The following RGSL1 variants were observed in gnomAD, a reference collection of about 807,000 sequenced individuals.
RGSL1 encodes the protein regulator of G protein signaling like 1.
RGSL1 carries 97 observed loss-of-function variants against 124.7 expected under a neutral mutation model. That is an observed-to-expected ratio of 0.78 (90% CI 0.66 to 0.92). The LOEUF is 0.92. Ranked by LOEUF, RGSL1 falls within the 40% of genes least tolerant of loss-of-function variation. The pLI is 0.00. For synonymous variants in RGSL1, 424 were observed against 438.1 expected (o/e 0.97, Z 0.40); for missense variants, 1,233 against 1,288.4 (o/e 0.96, Z 0.66).
intron 9 of RGSL1, among the ~76,000 whole-genome samples, chr1:182,504,351 C>G (rs1039832811): frequency 1.3e-5 from 2 of 151,956 alleles, no homozygotes; most frequent in Non-Finnish European, 1.5e-5. Context: ...TTTCTTTGCT[C>G]ATGGTTTCCT....
At chr1:182,516,810 T>C (rs480202) in intron 9 of RGSL1, among the ~76,000 whole-genome samples, 131,550 of 152,198 alleles carry the variant, frequency 0.86, 57,177 homozygotes, top group Non-Finnish European at 0.89. Context: ...TTTAACAGTT[T>C]CTGTAGCTGT....
At chr1:182,528,510 T>C (rs2102261604) in intron 11 of RGSL1, among the ~76,000 whole-genome samples, 1 of 152,276 alleles carries the variant, frequency 6.6e-6, no homozygotes, top group Admixed American at 6.5e-5. Context: ...AGTTACTTCC[T>C]AGATACAATA....
intron 10 of RGSL1, among the ~76,000 whole-genome samples, chr1:182,522,885 ACTAT>A (rs1356190485): frequency 2.0e-5 from 3 of 152,132 alleles, no homozygotes; most frequent in African/African-American, 4.8e-5. Context: ...TTATTCAGTT[ACTAT>A]CTATTATCTA....
rs1276288100 is a variant in RGSL1 at position 182,553,537 on chromosome 1, A to G, written c.3126A>G (p.Gln1042=). The G allele has an allele frequency of 6.4e-7, 1 of 1,551,740 alleles. No homozygotes were observed. Among genetic ancestry groups the G allele is most frequent in the South Asian group, 1.2e-5 (1 of 84,030 alleles). ...AACGGGAAGCAATAAGTTCAGTTCA[A>G]AATTGTGAGTTGGAATTGGATCCCC... ...QPQREAISSV[Q]NSSSSKLTQP... Residue 1042 remains glutamine, a synonymous_variant, in exon 19 of 22, where the codon CAA becomes CAG. Transcript: ENST00000294854.
intron 15 of RGSL1, among the ~76,000 whole-genome samples, chr1:182,544,689 C>T (rs1660101359): frequency 1.3e-5 from 2 of 151,956 alleles, no homozygotes; most frequent in Non-Finnish European, 2.9e-5. Flanking sequence ...TTGGATGCAT[C>T]GATATTTATA....
chr1:182,503,608 G>T (rs979476896), intron 9 of RGSL1, among the ~76,000 whole-genome samples: 1 of 149,592 alleles, frequency 6.7e-6, no homozygotes, highest in African/African-American at 2.5e-5. Flanking sequence ...GGGAGGGTGG[G>T]TTGTGTAGGG....
chr1:182,488,340 T>C lies in RGSL1; in HGVS notation c.1487T>C (p.Leu496Pro). The change falls in exon 7 of 22, where the codon CTT becomes CCT. Residue 496 changes from leucine (L) to proline (P), a missense_variant. Coordinates refer to ENST00000294854, the MANE Select transcript of RGSL1 (RefSeq NM_001137669.2). ...GATGAAGAGGACTACTGGTTTCTCC[T>C]TTTTACGGTAGGAAGGACTTTGGGT... is the stretch of plus-strand genomic sequence containing the variant. ...FLDEEDYWFL[L>P]FTTQNRFISS... 6.4e-7 allele frequency: 1 copy of C among 1,552,214 alleles called. No individual in the cohort carries two copies. Among genetic ancestry groups the C allele is most frequent in the Non-Finnish European group, 8.7e-7 (1 of 1,147,012 alleles).
chr1:182,516,185 G>A (rs1657881097), intron 9 of RGSL1, among the ~76,000 whole-genome samples: 2 of 152,332 alleles, frequency 1.3e-5, no homozygotes, highest in South Asian at 4.1e-4. Flanking sequence ...ACAGGAAAGA[G>A]AGAGGTGGCA....
intron 3 of RGSL1, among the ~76,000 whole-genome samples, chr1:182,459,200 C>A (rs937192070): frequency 6.6e-6 from 1 of 152,256 alleles, no homozygotes; most frequent in East Asian, 1.9e-4. Flanking sequence ...AGTGACTACT[C>A]CACTATTCTC....
At chr1:182,469,188 T>C (rs1411354838) in intron 4 of RGSL1, among the ~76,000 whole-genome samples, 1 of 151,934 alleles carries the variant, frequency 6.6e-6, no homozygotes, top group Non-Finnish European at 1.5e-5. Context: ...ATCAAAAAAC[T>C]TGTGCATCAA....
At chr1:182,559,938 G>C (rs1661078903) in intron 21 of RGSL1, among the ~76,000 whole-genome samples, 1 of 152,188 alleles carries the variant, frequency 6.6e-6, no homozygotes, top group Non-Finnish European at 1.5e-5. Flanking sequence ...GTAGGGCAGA[G>C]ACCAAGTCCT....
At chr1:182,477,824 C>T (rs973512417) in intron 6 of RGSL1, among the ~76,000 whole-genome samples, 2 of 152,160 alleles carry the variant, frequency 1.3e-5, no homozygotes, top group Admixed American at 6.5e-5. Context: ...ATTGCAAAGG[C>T]CTTTTTGTGT....
rs1660750114 is a variant in RGSL1 at position 182,554,540 on chromosome 1, CA to C, written c.3131-86del. ...TTGGAGGTGTCCGTGGAAGCCCACC[CA>C]GCATGGTCCTCCAGGGTGGAGGCCT... On this transcript the variant is annotated intron_variant, in intron 19 of 21. Transcript: ENST00000294854. 1.9e-5 allele frequency: 23 copies of C among 1,186,830 alleles called. No homozygotes were observed. In the South Asian group the frequency reaches 2.7e-4, roughly 14 times the overall value. The allele number at this position is 1,186,830 out of a possible 1,614,324, so 73.5% of individuals were successfully genotyped here.
chr1:182,554,525 C>T, intron 19 of RGSL1, 102 bp from the exon 20 acceptor site: 1 of 944,738 alleles, frequency 1.1e-6, no homozygotes. Context: ...TTGGAGGTGT[C>T]CGTGGAAGCC....
chr1:182,533,296 CTTTTT>C (rs71573276), intron 14 of RGSL1, among the ~76,000 whole-genome samples: 1 of 107,736 alleles, frequency 9.3e-6, no homozygotes, highest in Non-Finnish European at 1.8e-5. Context: ...TAACTTGCTT[CTTTTT>C]TTTTTTTTTT....
intron 4 of RGSL1, among the ~76,000 whole-genome samples, chr1:182,464,783 T>C (rs769123921): frequency 1.3e-5 from 2 of 150,900 alleles, no homozygotes; most frequent in African/African-American, 2.4e-5. Context: ...AAAAAGACTA[T>C]AGATCACTAA....
At chr1:182,476,302 T>G (rs534659543) in intron 6 of RGSL1, among the ~76,000 whole-genome samples, 1 of 152,340 alleles carries the variant, frequency 6.6e-6, no homozygotes, top group Admixed American at 6.5e-5. Flanking sequence ...TGCCTGGGAC[T>G]TGGTGCAAAT....
intron 19 of RGSL1, among the ~76,000 whole-genome samples, chr1:182,554,294 C>A (rs79217114): frequency 6.6e-6 from 1 of 152,334 alleles, no homozygotes; most frequent in East Asian, 1.9e-4. Flanking sequence ...TGCCTGTGAT[C>A]CATAGGCTCC....
At chr1:182,553,364 T>G in intron 18 of RGSL1, 91 bp from the exon 19 acceptor site, 1 of 927,718 alleles carries the variant, frequency 1.1e-6, no homozygotes, top group Non-Finnish European at 1.7e-6. Context: ...TCTAAGTGTG[T>G]TAAACAAGAG....
Sources: allele counts gnomAD v4.1 joint callset (sites outside exome capture counted in the v4.1 genomes callset), GRCh38; gene constraint gnomAD v4.1.1; transcripts MANE v1.5; gene names NCBI Gene and HGNC (gene_info 2026-07-23, HGNC 2026-07-21).